Variants in WDR41 observed in about 807,000 individuals in gnomAD.
WDR41 encodes WD repeat-containing protein 41.
WDR41 carries 63 observed loss-of-function variants against 69.3 expected under a neutral mutation model. The ratio of observed to expected loss-of-function variants is 0.91; its 90% confidence interval spans 0.74 to 1.12. The LOEUF (loss-of-function observed/expected upper bound fraction) is 1.12, where lower values mean the gene tolerates loss of function less well. Among genes scored for constraint, WDR41 ranks in the 50% most tolerant of loss-of-function variants. WDR41 has a pLI of 0.00. For synonymous variants in WDR41, 185 were observed against 192.1 expected, an observed-to-expected ratio of 0.96 and a Z score of 0.31; for missense variants, 543 against 534.5, an observed-to-expected ratio of 1.02 and a Z score of -0.16.
At chr5:77,573,927 C>T (rs1743777986) in intron 1 of WDR41, among the ~76,000 whole-genome samples, 1 of 152,160 alleles carries the variant, frequency 6.6e-6, no homozygotes, top group Admixed American at 6.5e-5. Flanking sequence ...GAACCCTGGT[C>T]TCATTATTGC....
intron 1 of WDR41, among the ~76,000 whole-genome samples, chr5:77,578,941 A>T (rs1743886068): frequency 1.3e-5 from 2 of 151,724 alleles, no homozygotes; most frequent in Admixed American, 6.6e-5. Flanking sequence ...ATCAATAAAG[A>T]GATAGAAACT....
intron 5 of WDR41, among the ~76,000 whole-genome samples, chr5:77,456,497 T>C (rs1799837640): frequency 6.6e-6 from 1 of 152,238 alleles, no homozygotes; most frequent in Admixed American, 6.5e-5. Context: ...GGATTTTCTA[T>C]ATACACAAGA....
chr5:77,528,539 A>G (rs1037352116), intron 1 of WDR41, among the ~76,000 whole-genome samples: 1 of 151,740 alleles, frequency 6.6e-6, no homozygotes, highest in Non-Finnish European at 1.5e-5. Flanking sequence ...TGTGAGCCTA[A>G]AATAAGCTTA....
At position 77,544,996 on chromosome 5, in the gene WDR41, T is replaced by C. The variant is rs934949480; in HGVS notation, c.43-55424A>G. Among the ~76,000 whole-genome samples the C allele has an allele frequency of 6.6e-5, 10 of 152,178 alleles. 1 individual carries two copies. The highest frequency in any genetic ancestry group is 1.9e-4 in the African/African-American group (8 of 41,454). ...CTCTCAGACCACAGTGGAATAAAAC[T>C]GGAAATCAACTCCAAAAAGTACCTT... On this transcript the variant is annotated intron_variant, in intron 1 of 5. Coordinates refer to the WDR41 transcript ENST00000509971.
At chr5:77,456,521 G>A (rs909587965) in intron 5 of WDR41, among the ~76,000 whole-genome samples, 1 of 152,232 alleles carries the variant, frequency 6.6e-6, no homozygotes, top group East Asian at 1.9e-4. Flanking sequence ...TGTTATTTGG[G>A]AATAGAGACA....
At position 77,431,874 on chromosome 5, in the gene WDR41, A is replaced by C. The variant is rs945497030; in HGVS notation, c.*1261T>G. On this transcript the variant is annotated 3_prime_UTR_variant, in exon 13 of 13. Coordinates refer to ENST00000296679, the MANE Select transcript of WDR41 (RefSeq NM_018268.4). ...AATGTTGTTTGGATTTAAAGTAGTCATATAAGCCTTTTCTCATTCAGTCTT... is the reference window on the plus strand; with the variant it reads ...AATGTTGTTTGGATTTAAAGTAGTCCTATAAGCCTTTTCTCATTCAGTCTT... The C allele has an allele frequency of 2.1e-5, 2 of 93,526 alleles. No individual in the cohort carries two copies. The highest frequency in any genetic ancestry group is 2.5e-4 in the Admixed American group (2 of 7,904). The allele number at this position is 93,526 out of a possible 1,614,324, so 5.8% of individuals were successfully genotyped here.
intron 1 of WDR41, among the ~76,000 whole-genome samples, chr5:77,602,376 G>T (rs571445566): frequency 6.6e-6 from 1 of 152,234 alleles, no homozygotes; most frequent in South Asian, 2.1e-4. Context: ...CCAACCTCAG[G>T]TGATCCACCT....
chr5:77,447,773 A>G (rs1435674422), intron 8 of WDR41, among the ~76,000 whole-genome samples: 2 of 152,098 alleles, frequency 1.3e-5, no homozygotes, highest in Non-Finnish European at 2.9e-5. Context: ...GTTGTGGGGA[A>G]GGGGAGGAAA....
intron 1 of WDR41, among the ~76,000 whole-genome samples, chr5:77,548,823 G>A (rs562547198): frequency 6.6e-6 from 1 of 152,220 alleles, no homozygotes; most frequent in East Asian, 1.9e-4. Flanking sequence ...AAAGATACTT[G>A]CACATGCATG....
chr5:77,599,843 C>T (rs1028020136), intron 1 of WDR41, among the ~76,000 whole-genome samples: 10 of 152,230 alleles, frequency 6.6e-5, no homozygotes, highest in Non-Finnish European at 1.2e-4. Flanking sequence ...GTTAAAGCCA[C>T]AATCTGATTG....
intron 1 of WDR41, among the ~76,000 whole-genome samples, chr5:77,613,290 A>G (rs964987206): frequency 3.3e-5 from 5 of 152,090 alleles, no homozygotes; most frequent in Non-Finnish European, 7.4e-5. Flanking sequence ...ATTGGAAAAA[A>G]CTACTTTAAA....
At chr5:77,522,509 G>A (rs959162893) in intron 1 of WDR41, among the ~76,000 whole-genome samples, 20 of 151,984 alleles carry the variant, frequency 1.3e-4, no homozygotes, top group Non-Finnish European at 2.2e-4. Flanking sequence ...TCGTGGTGGC[G>A]CTCACCTGTA....
chr5:77,475,341 C>T (rs1239520861), intron 2 of WDR41, among the ~76,000 whole-genome samples: 1 of 152,218 alleles, frequency 6.6e-6, no homozygotes, highest in African/African-American at 2.4e-5. Flanking sequence ...TGCCTGCCTG[C>T]CTCTGTAGGC....
At chr5:77,582,950 ATGAGATCTATAC>A in intron 1 of WDR41, 1 of 1,609,016 alleles carries the variant, frequency 6.2e-7, no homozygotes, top group Non-Finnish European at 8.5e-7. Context: ...GATTTGATTC[ATGAGATCTATAC>A]TGTTGGAAAA....
chr5:77,588,144 T>C (rs1744073511), intron 1 of WDR41, among the ~76,000 whole-genome samples: 1 of 152,170 alleles, frequency 6.6e-6, no homozygotes, highest in African/African-American at 2.4e-5. Flanking sequence ...CTTTTCCTTA[T>C]TGATGGTTAG....
At chr5:77,557,807 C>T (rs1183283131) in intron 1 of WDR41, among the ~76,000 whole-genome samples, 1 of 152,046 alleles carries the variant, frequency 6.6e-6, no homozygotes, top group East Asian at 1.9e-4. Context: ...TGTTTACCAA[C>T]AGTAGAATGA....
chr5:77,541,037 A>G (rs1256629844), intron 1 of WDR41, among the ~76,000 whole-genome samples: 2 of 152,182 alleles, frequency 1.3e-5, no homozygotes, highest in African/African-American at 4.8e-5. Context: ...GAAATTGAGA[A>G]AGTTTACTAC....
chr5:77,459,061 C>T lies in WDR41; in HGVS notation c.411+1G>A. The T allele has an allele frequency of 6.3e-7, 1 of 1,588,864 alleles. No individual in the cohort carries two copies. The highest frequency in any genetic ancestry group is 1.7e-5 in the Admixed American group (1 of 58,318). On this transcript the variant is annotated splice_donor_variant, in intron 5 of 12. Transcript: ENST00000296679. LOFTEE classifies it high-confidence loss of function. ...AAACTCATATTTACTTAAGATTTTA[C>T]CTTTACAGTAGACTGGAAGCATGAT... is the stretch of plus-strand genomic sequence containing the variant.
At chr5:77,608,299 G>A (rs1744466018) in intron 1 of WDR41, among the ~76,000 whole-genome samples, 3 of 152,132 alleles carry the variant, frequency 2.0e-5, no homozygotes, top group Non-Finnish European at 4.4e-5. Flanking sequence ...TGTTGATAGG[G>A]AATTGTTACA....
Sources: gnomAD v4.1 joint callset for allele counts (sites outside exome capture counted in the v4.1 genomes callset) on GRCh38, gnomAD v4.1.1 for gene constraint, MANE v1.5 for transcripts, NCBI Gene and HGNC (gene_info 2026-07-23, HGNC 2026-07-21) for gene names.